The following RABGAP1L variants were observed in gnomAD, a reference collection of about 807,000 sequenced individuals.
The protein encoded by RABGAP1L is rab GTPase-activating protein 1-like.
In RABGAP1L, 63 loss-of-function variants were observed where a neutral mutation model predicts 137.7. The ratio of observed to expected loss-of-function variants is 0.46; its 90% CI spans 0.37 to 0.56. The LOEUF (loss-of-function observed/expected upper bound fraction) is 0.56, where lower values mean the gene tolerates loss of function less well. Among genes scored for constraint, RABGAP1L ranks in the 20% least tolerant of loss-of-function variants. RABGAP1L has a pLI of 0.00. For synonymous variants in RABGAP1L, 431 were observed against 433.7 expected (o/e 0.99, Z 0.08); for missense variants, 1,095 against 1,244.0 (o/e 0.88, Z 1.80).
chr1:174,741,165 C>A (rs1462634229), intron 17 of RABGAP1L, among the ~76,000 whole-genome samples: 2 of 151,866 alleles, frequency 1.3e-5, no homozygotes, highest in Non-Finnish European at 2.9e-5. Context: ...AACCAACAAC[C>A]AGGAGAGGGT....
intron 12 of RABGAP1L, among the ~76,000 whole-genome samples, chr1:174,390,539 G>A (rs1478152440): frequency 1.3e-5 from 2 of 151,736 alleles, no homozygotes; most frequent in Non-Finnish European, 2.9e-5. Flanking sequence ...AAATAATCTG[G>A]GCCAACCGAG....
chr1:174,186,447 T>C (rs984435902), intron 1 of RABGAP1L, among the ~76,000 whole-genome samples: 1 of 152,158 alleles, frequency 6.6e-6, no homozygotes, highest in African/African-American at 2.4e-5. Flanking sequence ...TAAGAAATAA[T>C]TAAAGTCAAT....
chr1:174,184,411 G>A (rs1666638780), intron 1 of RABGAP1L, among the ~76,000 whole-genome samples: 1 of 152,126 alleles, frequency 6.6e-6, no homozygotes, highest in Admixed American at 6.6e-5. Flanking sequence ...TAAATACCAG[G>A]GAGTGCAATT....
At chr1:174,393,965 T>C (rs1647496978) in intron 12 of RABGAP1L, 30 bp from the exon 13 acceptor site, 1 of 1,605,116 alleles carries the variant, frequency 6.2e-7, no homozygotes, top group Non-Finnish European at 8.5e-7. Context: ...GTAAAGGAAG[T>C]GTGAATGGAT....
At chr1:174,570,687 AAAAT>A (rs1227945931) in intron 13 of RABGAP1L, among the ~76,000 whole-genome samples, 2 of 152,188 alleles carry the variant, frequency 1.3e-5, no homozygotes, top group African/African-American at 2.4e-5. Context: ...GAAATTATAA[AAAAT>A]AAATAAAAAG....
At chr1:174,432,424 G>T (rs1652747816) in intron 13 of RABGAP1L, among the ~76,000 whole-genome samples, 1 of 152,096 alleles carries the variant, frequency 6.6e-6, no homozygotes, top group South Asian at 2.1e-4. Flanking sequence ...TAAGATCCAC[G>T]TACCTTAGGT....
chr1:174,403,247 G>A (rs60537311), intron 13 of RABGAP1L, among the ~76,000 whole-genome samples: 15,983 of 129,278 alleles, frequency 0.12, 993 homozygotes, highest in East Asian at 0.22. Context: ...GTGTGTGTGT[G>A]TATATATATG....
intron 17 of RABGAP1L, among the ~76,000 whole-genome samples, chr1:174,722,081 G>A (rs1290138083): frequency 3.3e-5 from 5 of 151,888 alleles, no homozygotes; most frequent in African/African-American, 9.7e-5. Context: ...ACAGGCATGC[G>A]CCACCATGCC....
In RABGAP1L at chr1:174,478,243, TTTG is replaced by T. The variant is rs1044696050; in HGVS notation, c.1710+84110_1710+84112del. Among the ~76,000 whole-genome samples the T allele has an allele frequency of 6.7e-3, 1,012 of 152,012 alleles. 13 individuals carry two copies. Among genetic ancestry groups the T allele is most frequent in the African/African-American group, 0.023 (954 of 41,458 alleles). On this transcript the variant is annotated intron_variant, in intron 13 of 25. Coordinates refer to ENST00000681986, the MANE Select transcript of RABGAP1L (RefSeq NM_001366446.1). ...TATCTCTTAACTTTTTTTTCCTGTT[TTTG>T]TTGTTGTTGTTATTTGTTTTTCGGA... is the stretch of plus-strand genomic sequence containing the variant.
intron 1 of RABGAP1L, among the ~76,000 whole-genome samples, chr1:174,197,945 T>C (rs531569895): frequency 6.6e-6 from 1 of 152,316 alleles, no homozygotes; most frequent in African/African-American, 2.4e-5. Flanking sequence ...TTACAGAAGA[T>C]GGACCCAATA....
Position 174,180,686 on chromosome 1 carries a change from C to T in RABGAP1L, c.-34+21029C>T, listed in dbSNP as rs186861829. Reference sequence around the variant, plus strand: ...CTCGCTTTGTTGCCCAAGCTGGTCTCGAACTCCTGGGCTTCAGTTATCCTC... The same window carrying T: ...CTCGCTTTGTTGCCCAAGCTGGTCTTGAACTCCTGGGCTTCAGTTATCCTC... On this transcript the variant is annotated intron_variant, in intron 1 of 25. Transcript: ENST00000681986. Among the ~76,000 whole-genome samples the T allele has an allele frequency of 5.9e-5, 9 of 152,192 alleles. No homozygotes were observed. In the East Asian group the frequency reaches 7.7e-4, roughly 13 times the overall value.
intron 1 of RABGAP1L, among the ~76,000 whole-genome samples, chr1:174,182,853 C>A (rs1666486676): frequency 6.6e-6 from 1 of 152,134 alleles, no homozygotes; most frequent in African/African-American, 2.4e-5. Context: ...TTTCATGTTG[C>A]CTTTCTCAGT....
intron 13 of RABGAP1L, among the ~76,000 whole-genome samples, chr1:174,534,484 T>G (rs1416939781): frequency 1.3e-5 from 2 of 151,634 alleles, no homozygotes; most frequent in African/African-American, 4.8e-5. Flanking sequence ...TAAAATAGAA[T>G]AACTAGAGCA....
chr1:174,739,858 T>G (rs1480458955), intron 17 of RABGAP1L, among the ~76,000 whole-genome samples: 3 of 152,200 alleles, frequency 2.0e-5, no homozygotes, highest in African/African-American at 7.2e-5. Context: ...TGCAGTAAAG[T>G]GTTATACAGA....
chr1:174,677,370 A>G (rs1337601319), intron 14 of RABGAP1L, among the ~76,000 whole-genome samples: 1 of 152,214 alleles, frequency 6.6e-6, no homozygotes, highest in African/African-American at 2.4e-5. Context: ...TAACAACTCA[A>G]GGATTAATTA....
chr1:174,436,288 C>T (rs546926020), intron 13 of RABGAP1L, among the ~76,000 whole-genome samples: 1 of 152,292 alleles, frequency 6.6e-6, no homozygotes, highest in African/African-American at 2.4e-5. Context: ...TAAAAGTGTC[C>T]TGTTTCTCCA....
At chr1:174,578,747 A>AT (rs1200077187) in intron 13 of RABGAP1L, among the ~76,000 whole-genome samples, 1 of 152,128 alleles carries the variant, frequency 6.6e-6, no homozygotes, top group Non-Finnish European at 1.5e-5. Context: ...TTCTAATTGA[A>AT]TTTTTTGAAG....
chr1:174,934,463 C>T (rs545077972), intron 19 of RABGAP1L, among the ~76,000 whole-genome samples: 87 of 152,166 alleles, frequency 5.7e-4, no homozygotes, highest in East Asian at 1.9e-3. Flanking sequence ...GTTACTCTCC[C>T]GTACTGGCTG....
intron 18 of RABGAP1L, among the ~76,000 whole-genome samples, chr1:174,777,834 A>G (rs565827695): frequency 1.3e-5 from 2 of 152,294 alleles, no homozygotes; most frequent in South Asian, 2.1e-4. Flanking sequence ...AATTGAAACT[A>G]TTCAAAATTC....
Sources: allele counts gnomAD v4.1 joint callset (sites outside exome capture counted in the v4.1 genomes callset), GRCh38; gene constraint gnomAD v4.1.1; transcripts MANE v1.5; gene names NCBI Gene and HGNC (gene_info 2026-07-23, HGNC 2026-07-21).